The following S1PR2 variants were observed in gnomAD, a reference collection of about 807,000 sequenced individuals.
S1PR2 encodes sphingosine-1-phosphate receptor 2.
In S1PR2, 9 loss-of-function variants were observed where a neutral mutation model predicts 16.1. That is an observed-to-expected ratio of 0.56 (90% CI 0.34 to 0.98). The LOEUF (loss-of-function observed/expected upper bound fraction) is 0.98. S1PR2 is among the 50% of genes least tolerant of loss of function. The pLI, the probability that S1PR2 is intolerant of heterozygous loss-of-function variation, is 0.02. For synonymous variants in S1PR2, 224 were observed against 233.9 expected (o/e 0.96, Z 0.38); for missense variants, 361 against 488.4 (o/e 0.74, Z 2.46).
At position 10,225,209 on chromosome 19, in the gene S1PR2, C is replaced by G. The variant is rs1308498693; in HGVS notation, c.-42-262G>C. Among the ~76,000 whole-genome samples, 3 of 151,994 alleles carry G rather than the reference C, an allele frequency of 2.0e-5. No homozygotes were observed. The East Asian group carries it at 5.8e-4, about 29-fold the overall frequency. On this transcript the variant is annotated intron_variant, in intron 1 of 1. Transcript: ENST00000646641. ...GCCTCTATAAGCCCTAGGCTACGCT[C>G]TTTCTTATTTATTTTATTTATCTAT...
At chr19:10,225,390 A>ATTTT (rs35464657) in intron 1 of S1PR2, among the ~76,000 whole-genome samples, 1,011 of 80,524 alleles carry the variant, frequency 0.013, 41 homozygotes, top group Non-Finnish European at 0.015. Context: ...CGCCTGGCTA[A>ATTTT]TTTTTTTTTT....
At chr19:10,226,566 G>A (rs1376534554) in intron 1 of S1PR2, among the ~76,000 whole-genome samples, 2 of 152,118 alleles carry the variant, frequency 1.3e-5, no homozygotes, top group African/African-American at 4.8e-5. Flanking sequence ...TTTGGGAAGG[G>A]AAGGGATGTA....
intron 1 of S1PR2, 94 bp from the exon 2 acceptor site, chr19:10,225,041 GCT>G: frequency 1.5e-6 from 1 of 660,950 alleles, no homozygotes; most frequent in Admixed American, 2.9e-5. Context: ...TCAATTTCCT[GCT>G]CTGTTACTCT....
At chr19:10,229,083 G>A (rs2039653340) in intron 1 of S1PR2, among the ~76,000 whole-genome samples, 1 of 151,880 alleles carries the variant, frequency 6.6e-6, no homozygotes, top group East Asian at 1.9e-4. Context: ...TTTTAAACTT[G>A]TAACTCCATG....
intron 1 of S1PR2, among the ~76,000 whole-genome samples, chr19:10,228,902 G>T (rs1252122234): frequency 6.6e-6 from 1 of 152,156 alleles, no homozygotes; most frequent in Non-Finnish European, 1.5e-5. Flanking sequence ...GGAAGCCTCA[G>T]TGGCTTCCAA....
At chr19:10,230,153 T>G (rs2039661715) in intron 1 of S1PR2, among the ~76,000 whole-genome samples, 1 of 152,280 alleles carries the variant, frequency 6.6e-6, no homozygotes, top group South Asian at 2.1e-4. Flanking sequence ...CCAGCGTGTC[T>G]CCATGGAGAT....
intron 1 of S1PR2, among the ~76,000 whole-genome samples, chr19:10,230,674 T>C (rs2039669326): frequency 6.6e-6 from 1 of 152,318 alleles, no homozygotes; most frequent in Middle Eastern, 3.4e-3. Flanking sequence ...CGCAGTCACT[T>C]TCTCTTTCCT....
At chr19:10,229,687 A>C (rs1400284357) in intron 1 of S1PR2, among the ~76,000 whole-genome samples, 1 of 152,006 alleles carries the variant, frequency 6.6e-6, no homozygotes, top group African/African-American at 2.4e-5. Context: ...CGTGGTAGCC[A>C]CCCTACCTTA....
At chr19:10,227,082 T>A (rs1282025187) in intron 1 of S1PR2, among the ~76,000 whole-genome samples, 1 of 151,320 alleles carries the variant, frequency 6.6e-6, no homozygotes, top group Admixed American at 6.6e-5. Context: ...GCAGACACCA[T>A]GGCCTTCCCC....
chr19:10,228,366 A>G (rs1478475875), intron 1 of S1PR2, among the ~76,000 whole-genome samples: 1 of 152,142 alleles, frequency 6.6e-6, no homozygotes, highest in Non-Finnish European at 1.5e-5. Flanking sequence ...CTTGCACCCC[A>G]GGGACTAACT....
chr19:10,224,651 G>A lies in S1PR2; in HGVS notation c.255C>T (p.Ala85=), dbSNP rs1285609703. 3 of 1,613,852 alleles carry A rather than the reference G, an allele frequency of 1.9e-6. No individual in the cohort carries two copies. Among genetic ancestry groups the A allele is most frequent in the Admixed American group, 3.3e-5 (2 of 60,024 alleles). Residue 85 remains alanine, a synonymous_variant, in exon 2 of 2, where the codon GCC becomes GCT. Transcript: ENST00000646641. ...CAGAGAGCAAGGTATTGGCTACGAA[G>A]GCCACGCCTGCCAGTAGATCGGAGG... is the stretch of plus-strand genomic sequence containing the variant. ...LAASDLLAGV[A]FVANTLLSGS... is the part of the protein sequence containing the mutation.
At chr19:10,227,193 G>C (rs1169722319) in intron 1 of S1PR2, among the ~76,000 whole-genome samples, 2 of 151,906 alleles carry the variant, frequency 1.3e-5, no homozygotes, top group East Asian at 3.9e-4. Flanking sequence ...GGGAGGGAGG[G>C]GGGAGAGTAG....
rs1290652282 is a variant in S1PR2 at position 10,224,399 on chromosome 19, G to A, written c.507C>T (p.Gly169=). 2.5e-6 allele frequency: 4 copies of A among 1,613,776 alleles called. No homozygotes were observed. In the African/African-American group the frequency reaches 5.3e-5, roughly 21 times the overall value. ...CCTCGAGGTGGCCCAGGCAGTTCCA[G>A]CCAAGGATGGGCAGGCCACCGAGGA... ...SLVLGGLPIL[G]WNCLGHLEAC... Residue 169 remains glycine, a synonymous_variant, in exon 2 of 2, where the codon GGC becomes GGT. Coordinates refer to ENST00000646641, the MANE Select transcript of S1PR2 (RefSeq NM_004230.4).
rs554422074 is a variant in S1PR2 at position 10,224,111 on chromosome 19, C to T, written c.795G>A (p.Pro265=). 9.3e-6 allele frequency: 15 copies of T among 1,604,894 alleles called. No individual in the cohort carries two copies. The highest frequency in any genetic ancestry group is 1.2e-5 in the Non-Finnish European group (14 of 1,179,968). Residue 265 remains proline (P), a synonymous_variant, in exon 2 of 2, where the codon CCG becomes CCA. Coordinates refer to ENST00000646641, the MANE Select transcript of S1PR2 (RefSeq NM_004230.4). The part of the protein sequence containing the change: ...LDYACPVHSC[P]ILYKAHYFFA... ...AAAAGTAGTGGGCTTTGTAGAGGAT[C>T]GGGCAGGAGTGGACGGGACAGGCAT...
At chr19:10,230,873 C>G (rs918585799) in intron 1 of S1PR2, among the ~76,000 whole-genome samples, 2 of 152,314 alleles carry the variant, frequency 1.3e-5, no homozygotes, top group African/African-American at 4.8e-5. Flanking sequence ...TTGCCCCCCC[C>G]CAAACACACT....
At chr19:10,227,358 G>A (rs984359410) in intron 1 of S1PR2, among the ~76,000 whole-genome samples, 1 of 152,016 alleles carries the variant, frequency 6.6e-6, no homozygotes, top group African/African-American at 2.4e-5. Context: ...CCCTCCAAGG[G>A]GCATCCTGGC....
Position 10,223,962 on chromosome 19 carries a change from C to T in S1PR2, c.944G>A (p.Arg315Gln), listed in dbSNP as rs777226501. The T allele has an allele frequency of 2.8e-5, 45 of 1,608,004 alleles. No individual in the cohort carries two copies. In the Admixed American group the frequency reaches 4.4e-4, roughly 16 times the overall value. ...CWRPGVGVQG[R>Q]RRGGTPGHHL... ...GTGGCCCGGGGTCCCGCCCCGCCTC[C>T]GTCCTTGCACCCCCACCCCCGGCCT... Residue 315 changes from arginine (R) to glutamine (Q), a missense_variant, in exon 2 of 2, where the codon CGG (arginine) becomes CAG (glutamine). By Grantham distance (43) the Arg-to-Gln change is conservative. Transcript: ENST00000646641.
intron 1 of S1PR2, chr19:10,230,461 G>A (rs114399468): frequency 0.014 from 2,139 of 154,712 alleles, 55 homozygotes; most frequent in African/African-American, 0.049. Context: ...GGGACTGTGG[G>A]CTCAGCGCGT....
At position 10,222,699 on chromosome 19, in the gene S1PR2, T is replaced by C. The variant is rs2039600720; in HGVS notation, c.*1145A>G. 1 of 152,036 alleles carries C rather than the reference T, an allele frequency of 6.6e-6. No homozygotes were observed. Among genetic ancestry groups the C allele is most frequent in the African/African-American group, 2.4e-5 (1 of 41,316 alleles). 9.4% of individuals were successfully genotyped at this position (152,036 alleles called of 1,614,324 possible). A position where few individuals can be genotyped will look rare whatever the true frequency, so the allele number is the denominator to read the frequency against. ...AGTCGTCAAGTGGCAGCTGATGAAATTTGGGGAAGCTGTGGATTTGGGCTC... is the reference window on the plus strand; with the variant it reads ...AGTCGTCAAGTGGCAGCTGATGAAACTTGGGGAAGCTGTGGATTTGGGCTC... On this transcript the variant is annotated 3_prime_UTR_variant, in exon 2 of 2. Coordinates refer to ENST00000646641, the MANE Select transcript of S1PR2 (RefSeq NM_004230.4).
Sources: allele counts gnomAD v4.1 joint callset (sites outside exome capture counted in the v4.1 genomes callset), GRCh38; gene constraint gnomAD v4.1.1; transcripts MANE v1.5; gene names NCBI Gene and HGNC (gene_info 2026-07-23, HGNC 2026-07-21).